Variants in DPP6 observed in about 807,000 individuals in gnomAD.
DPP6 encodes the protein A-type potassium channel modulatory protein DPP6.
Under a neutral mutation model 122.6 loss-of-function variants are expected in DPP6, and 69 were observed. The ratio of observed to expected loss-of-function variants is 0.56; its 90% CI spans 0.46 to 0.69. DPP6 has a LOEUF of 0.69. Ranked by LOEUF, DPP6 falls within the 30% of genes least tolerant of loss-of-function variation. The pLI is 0.00. For synonymous variants in DPP6, 418 were observed against 433.1 expected (o/e 0.97, Z 0.43); for missense variants, 928 against 1,116.9 (o/e 0.83, Z 2.41).
chr7:153,944,663 G>GTTTT (rs769081715), intron 1 of DPP6, among the ~76,000 whole-genome samples: 9,478 of 101,636 alleles, frequency 0.093, 530 homozygotes, highest in African/African-American at 0.11. Context: ...TTTTTGTGTG[G>GTTTT]GTTTTTTTTT....
intron 1 of DPP6, among the ~76,000 whole-genome samples, chr7:154,195,230 G>T (rs566912660): frequency 6.6e-6 from 1 of 152,216 alleles, no homozygotes; most frequent in African/African-American, 2.4e-5. Context: ...TCGAAAAGAC[G>T]ATCCTTCCTC....
chr7:154,330,728 A>C (rs1433834670), intron 1 of DPP6, among the ~76,000 whole-genome samples: 7 of 152,180 alleles, frequency 4.6e-5, no homozygotes, highest in African/African-American at 1.7e-4. Flanking sequence ...CCCTCTGGGG[A>C]GGTGAACTAG....
chr7:153,866,917 C>A, the DPP6 span, among the ~76,000 whole-genome samples: 1 of 152,054 alleles, frequency 6.6e-6, no homozygotes, highest in Non-Finnish European at 1.5e-5. Flanking sequence ...ATCCTTTCCC[C>A]ATTGCTTGTT....
At chr7:154,398,192 T>C (rs1357595591) in intron 1 of DPP6, among the ~76,000 whole-genome samples, 1 of 152,218 alleles carries the variant, frequency 6.6e-6, no homozygotes, top group Non-Finnish European at 1.5e-5. Flanking sequence ...CACCAGATGT[T>C]GTGCATATGT....
At chr7:153,863,466 C>CTT in the DPP6 span, among the ~76,000 whole-genome samples, 5 of 151,056 alleles carry the variant, frequency 3.3e-5, no homozygotes, top group Non-Finnish European at 5.9e-5. Context: ...TCCCCTCAGT[C>CTT]TTTTTTTTTA....
intron 1 of DPP6, among the ~76,000 whole-genome samples, chr7:154,383,611 T>C (rs1275855726): frequency 3.3e-5 from 5 of 152,060 alleles, no homozygotes; most frequent in African/African-American, 9.7e-5. Context: ...GTTAGTGGGC[T>C]GGGCACAGTG....
At chr7:154,532,883 A>C (rs189841540) in intron 3 of DPP6, among the ~76,000 whole-genome samples, 2,222 of 152,276 alleles carry the variant, frequency 0.015, 38 homozygotes, top group Middle Eastern at 0.017. Context: ...CTTCCTCCAC[A>C]CTTCTCCCCT....
At position 154,604,225 on chromosome 7, in the gene DPP6, A is replaced by G; in HGVS notation, c.628-33596A>G. Among the ~76,000 whole-genome samples the G allele has an allele frequency of 1.7e-5, 2 of 119,788 alleles. 1 individual carries two copies. The highest frequency in any genetic ancestry group is 3.8e-5 in the Non-Finnish European group (2 of 53,310). The allele number at this position is 119,788 out of a possible 152,430, so 78.6% of individuals were successfully genotyped here. ...GTTGCATCATTTCCTGGTAGTTTTT[A>G]TCATAATCTTGGCCATGTATGCACG... On this transcript the variant is annotated intron_variant, in intron 5 of 25. Transcript: ENST00000377770.
intron 1 of DPP6, among the ~76,000 whole-genome samples, chr7:153,891,341 T>G (rs970802889): frequency 9.3e-5 from 14 of 151,164 alleles, no homozygotes; most frequent in African/African-American, 3.0e-4. Context: ...TCTATTTTAA[T>G]TCTTGAGAAG....
chr7:153,872,851 A>G, the DPP6 span, among the ~76,000 whole-genome samples: 1 of 151,956 alleles, frequency 6.6e-6, no homozygotes, highest in Non-Finnish European at 1.5e-5. Flanking sequence ...TATTTTGAAC[A>G]GATTTCCATA....
intron 3 of DPP6, among the ~76,000 whole-genome samples, chr7:154,480,993 CGTGAT>C (rs1288215380): frequency 6.6e-6 from 1 of 152,116 alleles, no homozygotes; most frequent in Admixed American, 6.5e-5. Context: ...CTAGCCTCCA[CGTGAT>C]GTTTGGGTGC....
chr7:154,136,426 T>C (rs1486248460), intron 1 of DPP6, among the ~76,000 whole-genome samples: 2 of 152,180 alleles, frequency 1.3e-5, no homozygotes, highest in Non-Finnish European at 2.9e-5. Context: ...CTTGGGTTGT[T>C]TGTAGTATGC....
At chr7:154,623,474 T>G (rs1003882851) in intron 5 of DPP6, among the ~76,000 whole-genome samples, 1 of 152,128 alleles carries the variant, frequency 6.6e-6, no homozygotes, top group Non-Finnish European at 1.5e-5. Flanking sequence ...AATATGATAC[T>G]TCAAATAATA....
At chr7:154,596,396 C>T (rs1318593991) in intron 5 of DPP6, among the ~76,000 whole-genome samples, 1 of 152,280 alleles carries the variant, frequency 6.6e-6, no homozygotes, top group East Asian at 1.9e-4. Flanking sequence ...ATTCCGCTGA[C>T]GCGGGAACAC....
chr7:154,204,645 C>T (rs1359907083), intron 1 of DPP6, among the ~76,000 whole-genome samples: 2 of 152,140 alleles, frequency 1.3e-5, no homozygotes, highest in African/African-American at 4.8e-5. Flanking sequence ...TGGCTGCCGA[C>T]ACCCTTGCGG....
chr7:154,593,378 T>G (rs6959364), intron 5 of DPP6, among the ~76,000 whole-genome samples: 90,195 of 152,010 alleles, frequency 0.59, 27,240 homozygotes, highest in African/African-American at 0.7. Flanking sequence ...ACAGAGAGCT[T>G]ACTTTCTTTT....
chr7:154,127,644 C>CACAG (rs1298384314), intron 1 of DPP6, among the ~76,000 whole-genome samples: 9 of 67,002 alleles, frequency 1.3e-4, no homozygotes, highest in Admixed American at 2.8e-4. Context: ...GACACACACA[C>CACAG]ACACACAGAC....
chr7:154,771,037 G>A (rs1796220813), intron 9 of DPP6, among the ~76,000 whole-genome samples: 1 of 152,210 alleles, frequency 6.6e-6, no homozygotes, highest in African/African-American at 2.4e-5. Flanking sequence ...TCTGCCAGGG[G>A]GCATTTAAAC....
chr7:154,331,364 C>G (rs1029750794), intron 1 of DPP6, among the ~76,000 whole-genome samples: 1 of 152,114 alleles, frequency 6.6e-6, no homozygotes, highest in Admixed American at 6.5e-5. Context: ...AAGGTCTCTG[C>G]CGAGGTCTGA....
Sources: gnomAD v4.1 joint callset for allele counts (sites outside exome capture counted in the v4.1 genomes callset) on GRCh38, gnomAD v4.1.1 for gene constraint, MANE v1.5 for transcripts, NCBI Gene and HGNC (gene_info 2026-07-23, HGNC 2026-07-21) for gene names.